The following CHSY3 variants were observed in gnomAD, a reference collection of about 807,000 sequenced individuals.
CHSY3 encodes the protein N-acetylgalactosaminyl-proteoglycan 3-beta-glucuronosyltransferase 3.
A neutral mutation model predicts 67.2 loss-of-function variants in CHSY3; 35 were observed. The ratio of observed to expected loss-of-function variants is 0.52; its 90% CI spans 0.40 to 0.69. CHSY3 has a LOEUF of 0.69. CHSY3 is among the 30% of genes least tolerant of loss of function. The pLI is 0.00. For synonymous variants in CHSY3, 474 were observed against 434.7 expected (o/e 1.09, Z -1.12); for missense variants, 1,069 against 1,138.5 (o/e 0.94, Z 0.88).
chr5:130,181,936 T>C (rs897241341), intron 2 of CHSY3, among the ~76,000 whole-genome samples: 1 of 151,692 alleles, frequency 6.6e-6, no homozygotes, highest in Non-Finnish European at 1.5e-5. Context: ...TTATTTTCAG[T>C]TTTGGAGTAT....
intron 2 of CHSY3, among the ~76,000 whole-genome samples, chr5:130,020,020 A>T (rs1469282373): frequency 6.6e-6 from 1 of 152,172 alleles, no homozygotes; most frequent in Non-Finnish European, 1.5e-5. Flanking sequence ...TCTTACTTTC[A>T]TGAGTTATTG....
chr5:130,104,371 C>A (rs1201182719), intron 2 of CHSY3, among the ~76,000 whole-genome samples: 1 of 151,828 alleles, frequency 6.6e-6, no homozygotes, highest in Non-Finnish European at 1.5e-5. Context: ...TGAATTAACA[C>A]CCTTGATCAA....
intron 2 of CHSY3, among the ~76,000 whole-genome samples, chr5:130,112,449 C>CTAAGT (rs2149704545): frequency 6.6e-6 from 1 of 152,160 alleles, no homozygotes; most frequent in Admixed American, 6.6e-5. Context: ...ATTTGCATTT[C>CTAAGT]TAAGTTTCAA....
intron 2 of CHSY3, among the ~76,000 whole-genome samples, chr5:129,948,700 C>T (rs1176946959): frequency 6.6e-6 from 1 of 152,108 alleles, no homozygotes; most frequent in Non-Finnish European, 1.5e-5. Context: ...CGGTGGATAC[C>T]CAGTAGTGGG....
chr5:130,131,736 C>T (rs1239587882), intron 2 of CHSY3, among the ~76,000 whole-genome samples: 1 of 152,044 alleles, frequency 6.6e-6, no homozygotes, highest in Non-Finnish European at 1.5e-5. Flanking sequence ...ATTGCCAACC[C>T]ACCCGTTCAA....
intron 2 of CHSY3, among the ~76,000 whole-genome samples, chr5:130,039,920 G>C (rs1764962445): frequency 6.6e-6 from 1 of 152,034 alleles, no homozygotes; most frequent in African/African-American, 2.4e-5. Context: ...TGATTTTCCA[G>C]GGTTTCCTTT....
chr5:129,969,505 A>G (rs1762574965), intron 2 of CHSY3, among the ~76,000 whole-genome samples: 1 of 151,888 alleles, frequency 6.6e-6, no homozygotes, highest in South Asian at 2.1e-4. Context: ...TTTTACAGAC[A>G]ATTAATTTGA....
chr5:129,997,828 G>C (rs1474563329), intron 2 of CHSY3, among the ~76,000 whole-genome samples: 3 of 152,128 alleles, frequency 2.0e-5, no homozygotes, highest in Admixed American at 2.0e-4. Flanking sequence ...CCCCGCAAAG[G>C]ACATGAACTT....
At chr5:129,990,018 T>C (rs760794459) in intron 2 of CHSY3, among the ~76,000 whole-genome samples, 1 of 152,154 alleles carries the variant, frequency 6.6e-6, no homozygotes, top group Non-Finnish European at 1.5e-5. Flanking sequence ...TGTGGACCCC[T>C]GATCTAAAAT....
intron 2 of CHSY3, among the ~76,000 whole-genome samples, chr5:130,079,119 G>A (rs960385586): frequency 3.3e-5 from 5 of 152,174 alleles, no homozygotes; most frequent in African/African-American, 1.2e-4. Flanking sequence ...GGAAAACATC[G>A]TTCTTCTCTG....
chr5:130,008,308 A>G (rs761609791), intron 2 of CHSY3, among the ~76,000 whole-genome samples: 2 of 152,158 alleles, frequency 1.3e-5, no homozygotes, highest in Non-Finnish European at 2.9e-5. Flanking sequence ...GAACAAAGCC[A>G]TGGGTCTAGT....
At chr5:129,973,986 G>A (rs747816649) in intron 2 of CHSY3, among the ~76,000 whole-genome samples, 1 of 152,012 alleles carries the variant, frequency 6.6e-6, no homozygotes, top group Non-Finnish European at 1.5e-5. Flanking sequence ...CAACGCTCTT[G>A]TTCTGTTTGT....
At chr5:130,141,165 G>T in intron 2 of CHSY3, 2 of 421,512 alleles carry the variant, frequency 4.7e-6, no homozygotes, top group South Asian at 2.0e-5. Flanking sequence ...ATCCTATCTG[G>T]AAGCAAATCT....
chr5:130,095,708 T>G (rs1177104630), intron 2 of CHSY3, among the ~76,000 whole-genome samples: 2 of 152,214 alleles, frequency 1.3e-5, no homozygotes, highest in African/African-American at 4.8e-5. Context: ...GAGGCTAAAA[T>G]TAATGGGCAA....
intron 2 of CHSY3, among the ~76,000 whole-genome samples, chr5:130,167,445 T>A (rs1263705185): frequency 1.3e-5 from 2 of 152,078 alleles, no homozygotes; most frequent in Non-Finnish European, 2.9e-5. Context: ...AAGATTTACA[T>A]CTCAATAGGG....
At chr5:130,176,735 C>T (rs1770064991) in intron 2 of CHSY3, among the ~76,000 whole-genome samples, 1 of 152,104 alleles carries the variant, frequency 6.6e-6, no homozygotes, top group South Asian at 2.1e-4. Flanking sequence ...AGCAAACTGA[C>T]ACAGGAACAG....
At chr5:129,941,562 T>A (rs1185342903) in intron 2 of CHSY3, among the ~76,000 whole-genome samples, 1 of 152,150 alleles carries the variant, frequency 6.6e-6, no homozygotes, top group Non-Finnish European at 1.5e-5. Context: ...TAAATTTTCA[T>A]ACTATGAATA....
chr5:130,086,554 A>T (rs1468918170), intron 2 of CHSY3, among the ~76,000 whole-genome samples: 1 of 152,082 alleles, frequency 6.6e-6, no homozygotes, highest in African/African-American at 2.4e-5. Context: ...AATCCCACAG[A>T]AATACAAACT....
intron 2 of CHSY3, among the ~76,000 whole-genome samples, chr5:129,946,246 G>A (rs1050643063): frequency 6.6e-6 from 1 of 152,168 alleles, no homozygotes; most frequent in East Asian, 1.9e-4. Flanking sequence ...TCATTTCCTA[G>A]ATGTTTTCTA....
Sources: allele counts gnomAD v4.1 joint callset (sites outside exome capture counted in the v4.1 genomes callset), GRCh38; gene constraint gnomAD v4.1.1; transcripts MANE v1.5; gene names NCBI Gene and HGNC (gene_info 2026-07-23, HGNC 2026-07-21).